RNF220: variants seen among roughly 807,000 people sequenced by gnomAD.
RNF220 encodes ring finger protein 220, also known as E3 ubiquitin-protein ligase RNF220.
In RNF220, 7 loss-of-function variants were observed where a neutral mutation model predicts 67.1. The observed-to-expected ratio is 0.10, with a 90% CI of 0.06 to 0.20. The LOEUF (loss-of-function observed/expected upper bound fraction) is 0.20. RNF220 is among the 10% of genes least tolerant of loss of function. The pLI is 1.00. For missense variants in RNF220, 565 were observed against 740.3 expected (o/e 0.76, Z 2.75); for synonymous variants, 270 against 283.2 (o/e 0.95, Z 0.47).
chr1:44,625,636 A>C (rs2148456934), intron 4 of RNF220, among the ~76,000 whole-genome samples: 1 of 152,258 alleles, frequency 6.6e-6, no homozygotes, highest in South Asian at 2.1e-4. Flanking sequence ...AGGCCTTGGC[A>C]AGAGCGGGCT....
intron 2 of RNF220, among the ~76,000 whole-genome samples, chr1:44,579,033 G>A (rs1665039520): frequency 6.6e-6 from 1 of 151,958 alleles, no homozygotes; most frequent in South Asian, 2.1e-4. Flanking sequence ...GCAGGCGCCT[G>A]TAATCCCAGC....
chr1:44,428,584 G>A lies in RNF220; in HGVS notation c.625+15862G>A, dbSNP rs1189743166. On this transcript the variant is annotated intron_variant, in intron 2 of 14. Coordinates refer to ENST00000361799, the MANE Select transcript of RNF220 (RefSeq NM_018150.4). ...GCCGTTCTCACAGCTGGCTGCTTTC[G>A]CTCCCACTCCACTATCCCACCCCGC... 2.6e-5 allele frequency among the ~76,000 whole-genome samples: 4 copies of A among 151,922 alleles called. No individual in the cohort carries two copies. The East Asian group carries it at 5.8e-4, about 22-fold the overall frequency.
At chr1:44,556,301 T>C (rs1663075539) in intron 2 of RNF220, among the ~76,000 whole-genome samples, 1 of 150,862 alleles carries the variant, frequency 6.6e-6, no homozygotes, top group Non-Finnish European at 1.5e-5. Flanking sequence ...CCCAAAGTGC[T>C]GAGATTACAG....
At chr1:44,444,385 T>A (rs1199547907) in intron 2 of RNF220, among the ~76,000 whole-genome samples, 2 of 152,154 alleles carry the variant, frequency 1.3e-5, no homozygotes, top group Non-Finnish European at 2.9e-5. Context: ...TATTATTGCA[T>A]GTAGTTAGAG....
intron 8 of RNF220, among the ~76,000 whole-genome samples, chr1:44,639,387 G>T (rs1644424057): frequency 6.6e-6 from 1 of 152,244 alleles, no homozygotes; most frequent in African/African-American, 2.4e-5. Context: ...ATCTGGAAGG[G>T]ACATGCTGGA....
intron 2 of RNF220, among the ~76,000 whole-genome samples, chr1:44,446,497 T>C (rs1397934934): frequency 6.6e-6 from 1 of 152,030 alleles, no homozygotes; most frequent in African/African-American, 2.4e-5. Flanking sequence ...TGAAATCTTA[T>C]AGATGTTTCA....
At chr1:44,477,142 C>CAT (rs1655371541) in intron 2 of RNF220, among the ~76,000 whole-genome samples, 1 of 152,156 alleles carries the variant, frequency 6.6e-6, no homozygotes. Context: ...CTAACATATG[C>CAT]ATATGAAGTT....
intron 3 of RNF220, among the ~76,000 whole-genome samples, chr1:44,618,716 C>T (rs1643664347): frequency 6.6e-6 from 1 of 152,070 alleles, no homozygotes; most frequent in African/African-American, 2.4e-5. Context: ...GGCATGGTTG[C>T]AAGGCCAGTG....
At chr1:44,494,730 G>A (rs1657174051) in intron 2 of RNF220, among the ~76,000 whole-genome samples, 1 of 152,018 alleles carries the variant, frequency 6.6e-6, no homozygotes, top group African/African-American at 2.4e-5. Context: ...CCAGGATCTG[G>A]GTAAAAAGAA....
At chr1:44,540,262 G>A (rs1319318662) in intron 2 of RNF220, among the ~76,000 whole-genome samples, 3 of 152,118 alleles carry the variant, frequency 2.0e-5, no homozygotes, top group Admixed American at 6.6e-5. Context: ...AGAACAGGAC[G>A]GCTGCTGCCC....
chr1:44,449,326 A>T (rs1382973395), intron 2 of RNF220, among the ~76,000 whole-genome samples: 1 of 152,194 alleles, frequency 6.6e-6, no homozygotes, highest in Non-Finnish European at 1.5e-5. Flanking sequence ...AATTGCCCCC[A>T]AAACTTCCAA....
intron 2 of RNF220, among the ~76,000 whole-genome samples, chr1:44,427,352 T>C (rs976232264): frequency 9.2e-5 from 14 of 152,200 alleles, no homozygotes; most frequent in African/African-American, 2.4e-4. Flanking sequence ...GCACTTCATA[T>C]ATGTATGTCA....
intron 2 of RNF220, among the ~76,000 whole-genome samples, chr1:44,510,482 A>G (rs1183687084): frequency 6.6e-6 from 1 of 152,154 alleles, no homozygotes; most frequent in Admixed American, 6.5e-5. Flanking sequence ...GGCTAAGTTC[A>G]GCCAAACTGC....
chr1:44,438,408 C>T (rs562925798), intron 2 of RNF220, among the ~76,000 whole-genome samples: 15 of 152,328 alleles, frequency 9.8e-5, no homozygotes, highest in South Asian at 8.3e-4. Flanking sequence ...TAGGAGTAAG[C>T]CACTGTGTCC....
chr1:44,418,504 T>A (rs7517243), intron 2 of RNF220, among the ~76,000 whole-genome samples: 2,730 of 152,284 alleles, frequency 0.018, 98 homozygotes, highest in African/African-American at 0.063. Context: ...CGGTGGCCTC[T>A]GAGGCTCGCA....
chr1:44,627,698 C>T (rs1643997444), intron 5 of RNF220, among the ~76,000 whole-genome samples: 1 of 152,150 alleles, frequency 6.6e-6, no homozygotes. Flanking sequence ...AACAGGGCTT[C>T]GCAGGGAGGC....
At chr1:44,593,796 C>G (rs753192071) in intron 2 of RNF220, among the ~76,000 whole-genome samples, 12 of 151,510 alleles carry the variant, frequency 7.9e-5, no homozygotes, top group Admixed American at 1.3e-4. Context: ...AAGGGATAAA[C>G]TCTTGGCCGG....
At chr1:44,480,745 G>C (rs1490715999) in intron 2 of RNF220, among the ~76,000 whole-genome samples, 1 of 152,122 alleles carries the variant, frequency 6.6e-6, no homozygotes, top group East Asian at 1.9e-4. Flanking sequence ...AATTAGCTGG[G>C]CATGGTGGGG....
chr1:44,619,610 T>C (rs11582970), intron 3 of RNF220, among the ~76,000 whole-genome samples: 44,491 of 152,136 alleles, frequency 0.29, 6,930 homozygotes, highest in Middle Eastern at 0.36. Flanking sequence ...TACTTAGGAA[T>C]GCGTTTCCTG....
Sources: allele counts gnomAD v4.1 joint callset (sites outside exome capture counted in the v4.1 genomes callset), GRCh38; gene constraint gnomAD v4.1.1; transcripts MANE v1.5; gene names NCBI Gene and HGNC (gene_info 2026-07-23, HGNC 2026-07-21).